CSRP3: variants seen among roughly 807,000 people sequenced by gnomAD.
CSRP3 encodes the protein cysteine and glycine rich protein 3, also known as cysteine and glycine-rich protein 3.
A neutral mutation model predicts 24.3 loss-of-function variants in CSRP3; 24 were observed. The ratio of observed to expected loss-of-function variants is 0.99; its 90% CI spans 0.71 to 1.39. The LOEUF (loss-of-function observed/expected upper bound fraction) is 1.39. Among genes scored for constraint, CSRP3 ranks in the 40% most tolerant of loss-of-function variants. The probability of loss-of-function intolerance (pLI) is 0.00; values close to 1 mark genes in which losing one functional copy is unlikely to be tolerated. For missense variants in CSRP3, 240 were observed against 249.0 expected (o/e 0.96, Z 0.24); for synonymous variants, 105 against 94.0 (o/e 1.12, Z -0.68).
chr11:19,194,102 T>C (rs935960451), intron 1 of CSRP3, among the ~76,000 whole-genome samples: 1 of 152,182 alleles, frequency 6.6e-6, no homozygotes, highest in Non-Finnish European at 1.5e-5. Flanking sequence ...CTTCTTATAA[T>C]AGTTGGCGAT....
chr11:19,200,962 A>T (rs1238427613), intron 1 of CSRP3, among the ~76,000 whole-genome samples: 1 of 152,184 alleles, frequency 6.6e-6, no homozygotes, highest in Non-Finnish European at 1.5e-5. Context: ...TATTGCAGAG[A>T]CAAGGTTCCT....
At chr11:19,199,958 G>T (rs568132488) in intron 1 of CSRP3, among the ~76,000 whole-genome samples, 1 of 152,190 alleles carries the variant, frequency 6.6e-6, no homozygotes, top group African/African-American at 2.4e-5. Flanking sequence ...CTCAAGACTT[G>T]TATTTCCTGT....
At chr11:19,200,372 C>G (rs1186220515) in intron 1 of CSRP3, among the ~76,000 whole-genome samples, 1 of 152,194 alleles carries the variant, frequency 6.6e-6, no homozygotes, top group Non-Finnish European at 1.5e-5. Flanking sequence ...AGTTTCTATT[C>G]TATCAAGATT....
intron 2 of CSRP3, among the ~76,000 whole-genome samples, chr11:19,188,533 A>C (rs1411454363): frequency 2.0e-5 from 3 of 151,860 alleles, no homozygotes; most frequent in Non-Finnish European, 4.4e-5. Context: ...AAAAGGGTGG[A>C]AGCTAGCATT....
intron 1 of CSRP3, among the ~76,000 whole-genome samples, chr11:19,199,600 AT>A (rs1850802011): frequency 6.6e-6 from 1 of 152,218 alleles, no homozygotes; most frequent in Admixed American, 6.5e-5. Context: ...ATGCTGGGCA[AT>A]TCCTAAGCTT....
intron 3 of CSRP3, among the ~76,000 whole-genome samples, chr11:19,186,853 G>A (rs532705902): frequency 4.6e-5 from 7 of 152,334 alleles, no homozygotes; most frequent in African/African-American, 7.2e-5. Flanking sequence ...CCAGGCTGTC[G>A]TCCTGCCTCC....
intron 2 of CSRP3, among the ~76,000 whole-genome samples, chr11:19,191,078 C>A (rs1328925972): frequency 1.3e-5 from 2 of 152,168 alleles, no homozygotes; most frequent in African/African-American, 2.4e-5. Context: ...CAAGACCCCC[C>A]AGTTTTCTCC....
At chr11:19,190,633 T>C (rs1850598443) in intron 2 of CSRP3, among the ~76,000 whole-genome samples, 1 of 152,214 alleles carries the variant, frequency 6.6e-6, no homozygotes, top group Admixed American at 6.5e-5. Flanking sequence ...GTCTAGAGAT[T>C]TAATTGTGAA....
At chr11:19,189,698 G>A (rs1850585699) in intron 2 of CSRP3, among the ~76,000 whole-genome samples, 1 of 152,168 alleles carries the variant, frequency 6.6e-6, no homozygotes, top group Non-Finnish European at 1.5e-5. Flanking sequence ...TGGGGCAAGG[G>A]AGTTTATTCT....
intron 1 of CSRP3, among the ~76,000 whole-genome samples, chr11:19,198,428 T>C (rs896556450): frequency 2.0e-5 from 3 of 152,236 alleles, no homozygotes; most frequent in African/African-American, 7.2e-5. Flanking sequence ...CTGAATTCAT[T>C]CACTGAAATC....
intron 3 of CSRP3, among the ~76,000 whole-genome samples, 163 bp downstream of exon 3, chr11:19,187,973 T>C (rs1850553863): frequency 6.6e-6 from 1 of 152,218 alleles, no homozygotes; most frequent in Admixed American, 6.5e-5. Context: ...TTTGGAGAGA[T>C]GACACATTGT....
intron 1 of CSRP3, among the ~76,000 whole-genome samples, chr11:19,200,539 G>A (rs1850820870): frequency 6.6e-6 from 1 of 151,818 alleles, no homozygotes; most frequent in Admixed American, 6.6e-5. Flanking sequence ...CCCTTGCCCT[G>A]TGTCTCCTGT....
At chr11:19,186,471 G>C in intron 3 of CSRP3, 123 bp from the exon 4 acceptor site, 1 of 1,218,814 alleles carries the variant, frequency 8.2e-7, no homozygotes, top group Non-Finnish European at 1.2e-6. Flanking sequence ...GGAAAATGGG[G>C]ATAATGATGG....
chr11:19,183,671 A>T (rs191058871), intron 5 of CSRP3, among the ~76,000 whole-genome samples: 1 of 152,218 alleles, frequency 6.6e-6, no homozygotes, highest in Non-Finnish European at 1.5e-5. Flanking sequence ...ATTATGAGCT[A>T]TGAAGGCTGA....
Position 19,182,694 on chromosome 11 carries a change from T to A in CSRP3, c.561A>T (p.Thr187=), listed in dbSNP as rs181530945. 6.2e-7 allele frequency: 1 copy of A among 1,614,190 alleles called. No homozygotes were observed. The highest frequency in any genetic ancestry group is 1.1e-5 in the South Asian group (1 of 91,086). ...GPTGIGFGGL[T]QQVEKKE ...TTCATTCTTTCTTTTCCACTTGTTG[T>A]GTAAGGCCTCCAAACCCAATACCCG... Residue 187 remains threonine, a synonymous_variant, in exon 6 of 6, where the codon ACA becomes ACT. Transcript: ENST00000265968.
chr11:19,187,502 A>T (rs1235802443), intron 3 of CSRP3, among the ~76,000 whole-genome samples: 1 of 152,234 alleles, frequency 6.6e-6, no homozygotes, highest in East Asian at 1.9e-4. Context: ...CTGGAGGTCA[A>T]TGTGGTTATC....
chr11:19,197,571 CTT>C (rs1266507343), intron 1 of CSRP3, among the ~76,000 whole-genome samples: 1 of 119,450 alleles, frequency 8.4e-6, no homozygotes, highest in Admixed American at 8.8e-5. Context: ...TTCTTTCTTT[CTT>C]TCTTCTTTCA....
At chr11:19,197,523 C>CTTTCTTTCTTTCTTTT in intron 1 of CSRP3, among the ~76,000 whole-genome samples, 1 of 123,754 alleles carries the variant, frequency 8.1e-6, no homozygotes, top group Non-Finnish European at 1.7e-5. Context: ...TTCTTTCTTT[C>CTTTCTTTCTTTCTTTT]TTTCTTTCTT....
At chr11:19,199,150 C>T (rs577854815) in intron 1 of CSRP3, among the ~76,000 whole-genome samples, 7 of 151,700 alleles carry the variant, frequency 4.6e-5, no homozygotes, top group South Asian at 2.1e-4. Context: ...GGTCCCCTTG[C>T]GTTGTTGGAT....
Sources: allele counts gnomAD v4.1 joint callset (sites outside exome capture counted in the v4.1 genomes callset), GRCh38; gene constraint gnomAD v4.1.1; transcripts MANE v1.5; gene names NCBI Gene and HGNC (gene_info 2026-07-23, HGNC 2026-07-21).